The following PTGER3 variants were observed in gnomAD, a reference collection of about 807,000 sequenced individuals.
The protein encoded by PTGER3 is prostaglandin E receptor 3, also known as prostaglandin E2 receptor EP3 subtype.
PTGER3 carries 22 observed loss-of-function variants against 34.7 expected under a neutral mutation model. The ratio of observed to expected loss-of-function variants is 0.63; its 90% confidence interval spans 0.45 to 0.91. PTGER3 has a LOEUF of 0.91. Ranked by LOEUF, PTGER3 falls within the 40% of genes least tolerant of loss-of-function variation. The pLI, the probability that PTGER3 is intolerant of heterozygous loss-of-function variation, is 0.00. For synonymous variants in PTGER3, 241 were observed against 230.1 expected, an observed-to-expected ratio of 1.05 and a Z score of -0.43; for missense variants, 468 against 519.4, an observed-to-expected ratio of 0.90 and a Z score of 0.96.
intron 2 of PTGER3, chr1:71,011,031 G>A (rs995351399): frequency 8.5e-5 from 84 of 985,576 alleles, no homozygotes; most frequent in Non-Finnish European, 8.7e-5. Flanking sequence ...ATGCACCAAA[G>A]AATATGGCAA....
intron 1 of PTGER3, among the ~76,000 whole-genome samples, chr1:71,038,499 C>A (rs1660017777): frequency 6.6e-6 from 1 of 152,090 alleles, no homozygotes; most frequent in Admixed American, 6.5e-5. Flanking sequence ...AATACTCAAG[C>A]CTCCTCTTCC....
chr1:70,886,223 A>G (rs1646496001), intron 4 of PTGER3: 1 of 412,952 alleles, frequency 2.4e-6, no homozygotes, highest in South Asian at 1.8e-5. Flanking sequence ...TTTCTCCACC[A>G]TTTGAGGATA....
intron 4 of PTGER3, among the ~76,000 whole-genome samples, chr1:70,901,558 T>C (rs1398685044): frequency 6.6e-6 from 1 of 152,202 alleles, no homozygotes; most frequent in Non-Finnish European, 1.5e-5. Context: ...GGAATACCAA[T>C]TATGTGCCAG....
At chr1:70,852,868 C>T (rs1331954511) in intron 4 of PTGER3, 8 of 1,611,886 alleles carry the variant, frequency 5.0e-6, no homozygotes, top group Non-Finnish European at 6.8e-6. Flanking sequence ...TCCTGGAAAA[C>T]AAACAAATCA....
At chr1:70,865,091 G>GA (rs139294246) in intron 4 of PTGER3, among the ~76,000 whole-genome samples, 22,456 of 149,738 alleles carry the variant, frequency 0.15, 1,961 homozygotes, top group African/African-American at 0.25. Context: ...AAGAAAATAT[G>GA]AAAAAAAATG....
chr1:70,855,892 T>G (rs1185610260), intron 4 of PTGER3, among the ~76,000 whole-genome samples: 1 of 152,170 alleles, frequency 6.6e-6, no homozygotes, highest in African/African-American at 2.4e-5. Flanking sequence ...CAAATAGAGT[T>G]GTACTGGGGA....
chr1:70,930,202 C>A (rs897369881), intron 4 of PTGER3, among the ~76,000 whole-genome samples: 2 of 152,168 alleles, frequency 1.3e-5, no homozygotes, highest in Non-Finnish European at 2.9e-5. Context: ...GGACTGGGAA[C>A]AAGAGGTGAC....
chr1:70,952,803 A>G, exon 4 of PTGER3: 1 of 1,381,250 alleles, frequency 7.2e-7, no homozygotes, highest in Non-Finnish European at 9.4e-7. Context: ...CGAGTCAATC[A>G]ACACATGGAA....
At chr1:70,951,781 G>C (rs1267481657), downstream of PTGER3, among the ~76,000 whole-genome samples, 1 of 152,120 alleles carries the variant, frequency 6.6e-6, no homozygotes, top group Non-Finnish European at 1.5e-5. Context: ...GCCTGTCTCT[G>C]CCCTTGGGAA....
chr1:71,020,300 A>G (rs1356432454), intron 1 of PTGER3, among the ~76,000 whole-genome samples: 1 of 152,216 alleles, frequency 6.6e-6, no homozygotes, highest in East Asian at 1.9e-4. Context: ...TTTCGTCATT[A>G]CTACTACGTA....
At chr1:70,950,912 C>A (rs1204395362), downstream of PTGER3, 1 of 152,048 alleles carries the variant, frequency 6.6e-6, no homozygotes, top group African/African-American at 2.4e-5. Context: ...GATGGGGTTT[C>A]ACCATGTTGA....
intron 4 of PTGER3, among the ~76,000 whole-genome samples, chr1:70,935,058 A>C (rs892380961): frequency 6.6e-6 from 1 of 152,182 alleles, no homozygotes; most frequent in South Asian, 2.1e-4. Context: ...ATAGAAAAAG[A>C]GAAATAAGTC....
chr1:71,024,294 C>T (rs376957886), intron 1 of PTGER3, among the ~76,000 whole-genome samples: 4 of 152,114 alleles, frequency 2.6e-5, no homozygotes, highest in Non-Finnish European at 4.4e-5. Context: ...TTATTTCGTG[C>T]GTGGTCTTGA....
chr1:70,968,010 T>A (rs1021367327), downstream of PTGER3, among the ~76,000 whole-genome samples: 3 of 152,222 alleles, frequency 2.0e-5, no homozygotes, highest in African/African-American at 4.8e-5. Context: ...TACGTATCCC[T>A]GGCTAACAGA....
At chr1:70,882,759 C>T (rs776831467) in intron 4 of PTGER3, among the ~76,000 whole-genome samples, 17 of 152,166 alleles carry the variant, frequency 1.1e-4, no homozygotes, top group Non-Finnish European at 2.1e-4. Flanking sequence ...CTCTCACTCG[C>T]TCACCCTTTA....
At chr1:70,874,380 A>G (rs1158279301) in intron 4 of PTGER3, among the ~76,000 whole-genome samples, 1 of 152,078 alleles carries the variant, frequency 6.6e-6, no homozygotes, top group African/African-American at 2.4e-5. Flanking sequence ...TATTGACTCA[A>G]TTGCGTGTTG....
At chr1:70,998,232 ATTAAGT>A (rs1656156986) in intron 2 of PTGER3, 1 of 152,248 alleles carries the variant, frequency 6.6e-6, no homozygotes. Context: ...CATAACAATG[ATTAAGT>A]TTGAGTGGTG....
intron 1 of PTGER3, among the ~76,000 whole-genome samples, chr1:71,029,451 C>T (rs78397816): frequency 0.047 from 7,200 of 152,160 alleles, 265 homozygotes; most frequent in Non-Finnish European, 0.073. Context: ...TGACAGTATC[C>T]CCTCAAGTTG....
At chr1:70,853,441 C>T (rs565373034) in intron 4 of PTGER3, among the ~76,000 whole-genome samples, 14 of 152,216 alleles carry the variant, frequency 9.2e-5, no homozygotes, top group African/African-American at 2.4e-4. Context: ...TTCTAAATTA[C>T]GAGTGACCTA....
Sources: allele counts gnomAD v4.1 joint callset (sites outside exome capture counted in the v4.1 genomes callset), GRCh38; gene constraint gnomAD v4.1.1; transcripts MANE v1.5; gene names NCBI Gene and HGNC (gene_info 2026-07-23, HGNC 2026-07-21).